Variants in NTNG1 observed in about 807,000 individuals in gnomAD.
NTNG1 encodes the protein netrin G1.
In NTNG1, 16 loss-of-function variants were observed where a neutral mutation model predicts 54.0. The ratio of observed to expected loss-of-function variants is 0.30; its 90% CI spans 0.20 to 0.45. NTNG1 has a LOEUF of 0.45. Among genes scored for constraint, NTNG1 ranks in the 20% least tolerant of loss-of-function variants. The pLI is 1.00. For missense variants in NTNG1, 530 were observed against 678.7 expected (o/e 0.78, Z 2.43); for synonymous variants, 255 against 263.1 (o/e 0.97, Z 0.30).
intron 5 of NTNG1, chr1:107,421,037 T>C: frequency 7.4e-7 from 1 of 1,346,482 alleles, no homozygotes; most frequent in Non-Finnish European, 1.1e-6. Context: ...GTTTGAACGT[T>C]TCACTATTGT....
At chr1:107,309,077 C>G (rs1012043204) in intron 2 of NTNG1, among the ~76,000 whole-genome samples, 30 of 152,166 alleles carry the variant, frequency 2.0e-4, no homozygotes, top group Non-Finnish European at 1.3e-4. Context: ...CTTCATCAGT[C>G]CCTTGTTCTC....
At chr1:107,338,872 TAA>T (rs66513954) in intron 3 of NTNG1, among the ~76,000 whole-genome samples, 15 of 148,284 alleles carry the variant, frequency 1.0e-4, no homozygotes, top group South Asian at 4.2e-4. Flanking sequence ...TAAGAAGCTT[TAA>T]AAAAAAAAAG....
intron 3 of NTNG1, among the ~76,000 whole-genome samples, chr1:107,385,305 G>A (rs1409769223): frequency 1.3e-5 from 2 of 151,998 alleles, no homozygotes; most frequent in East Asian, 1.9e-4. Flanking sequence ...TCACCGCCAC[G>A]CCACTACTCT....
At chr1:107,451,502 A>C (rs922791923) in intron 7 of NTNG1, among the ~76,000 whole-genome samples, 6 of 152,184 alleles carry the variant, frequency 3.9e-5, no homozygotes, top group Non-Finnish European at 5.9e-5. Context: ...TGTCATCGGC[A>C]GCACACTGCA....
intron 2 of NTNG1, among the ~76,000 whole-genome samples, chr1:107,206,674 A>T (rs1401834683): frequency 6.6e-6 from 1 of 152,192 alleles, no homozygotes; most frequent in Non-Finnish European, 1.5e-5. Flanking sequence ...ATTCCTGAAA[A>T]ATCAAATATG....
intron 3 of NTNG1, among the ~76,000 whole-genome samples, chr1:107,361,393 T>TATATATATA (rs10637251): frequency 0.011 from 295 of 26,740 alleles, 1 homozygote; most frequent in Non-Finnish European, 0.026. Context: ...ATATATATAT[T>TATATATATA]TTTTTTTTTT....
At position 107,321,578 on chromosome 1, in the gene NTNG1, A is replaced by G. The variant is rs372438659; in HGVS notation, c.247-2704A>G. 9.2e-5 allele frequency among the ~76,000 whole-genome samples: 14 copies of G among 152,246 alleles called. 1 individual carries two copies. Among genetic ancestry groups the G allele is most frequent in the East Asian group, 7.7e-4 (4 of 5,170 alleles). On this transcript the variant is annotated intron_variant, in intron 2 of 7. Coordinates refer to ENST00000370068, the MANE Select transcript of NTNG1 (RefSeq NM_001113226.3). ...CAGAGAATCTTTAAGGATGCCCTCC[A>G]GGATACGACTTCTGTAGAATATGAA... is the stretch of plus-strand genomic sequence containing the variant.
At chr1:107,438,747 A>T (rs1675766327) in intron 7 of NTNG1, among the ~76,000 whole-genome samples, 1 of 152,308 alleles carries the variant, frequency 6.6e-6, no homozygotes, top group African/African-American at 2.4e-5. Flanking sequence ...AATGCATCTC[A>T]AAAAGGACCT....
chr1:107,189,562 A>G (rs1294828519), intron 2 of NTNG1, among the ~76,000 whole-genome samples: 1 of 151,982 alleles, frequency 6.6e-6, no homozygotes, highest in African/African-American at 2.4e-5. Context: ...CATTGACTCA[A>G]TTTCTTTCTC....
chr1:107,196,380 T>C (rs1658330094), intron 2 of NTNG1, among the ~76,000 whole-genome samples: 1 of 152,006 alleles, frequency 6.6e-6, no homozygotes, highest in South Asian at 2.1e-4. Context: ...GAATAAATAA[T>C]ATAATGTATA....
intron 7 of NTNG1, among the ~76,000 whole-genome samples, chr1:107,478,518 C>A (rs1678476645): frequency 6.6e-6 from 1 of 152,084 alleles, no homozygotes; most frequent in Non-Finnish European, 1.5e-5. Context: ...ATATTCACAT[C>A]CAAGAAGAAG....
intron 2 of NTNG1, among the ~76,000 whole-genome samples, chr1:107,201,088 G>A (rs377358290): frequency 6.6e-6 from 1 of 151,578 alleles, no homozygotes; most frequent in South Asian, 2.1e-4. Context: ...TATTCTTCAA[G>A]CCATATCTAT....
chr1:107,337,997 G>A (rs140149462), intron 3 of NTNG1, among the ~76,000 whole-genome samples: 28 of 152,106 alleles, frequency 1.8e-4, no homozygotes, highest in African/African-American at 6.3e-4. Flanking sequence ...AGTAGTGGAG[G>A]ATATTTAATA....
intron 7 of NTNG1, among the ~76,000 whole-genome samples, chr1:107,479,493 G>A (rs1489189565): frequency 1.3e-5 from 2 of 152,146 alleles, no homozygotes; most frequent in East Asian, 1.9e-4. Flanking sequence ...TTTAAAAATG[G>A]AAAATGTTAC....
At chr1:107,394,354 A>G (rs1340818853) in intron 3 of NTNG1, among the ~76,000 whole-genome samples, 1 of 152,190 alleles carries the variant, frequency 6.6e-6, no homozygotes. Flanking sequence ...GTTGCCTCTC[A>G]TATATCATGG....
intron 1 of NTNG1, among the ~76,000 whole-genome samples, chr1:107,144,450 C>A (rs1342050841): frequency 6.6e-6 from 1 of 152,056 alleles, no homozygotes; most frequent in Non-Finnish European, 1.5e-5. Flanking sequence ...AAAATGAATG[C>A]TGAAAACCAG....
At chr1:107,261,290 G>C (rs1428239043) in intron 2 of NTNG1, among the ~76,000 whole-genome samples, 2 of 152,088 alleles carry the variant, frequency 1.3e-5, no homozygotes, top group Non-Finnish European at 2.9e-5. Flanking sequence ...ACATAAAAAT[G>C]ATTATTTAGT....
intron 2 of NTNG1, among the ~76,000 whole-genome samples, chr1:107,161,490 A>G (rs1055498610): frequency 6.6e-6 from 1 of 151,894 alleles, no homozygotes; most frequent in African/African-American, 2.4e-5. Flanking sequence ...GCAAAACCCC[A>G]TCTCTACTAA....
intron 3 of NTNG1, among the ~76,000 whole-genome samples, chr1:107,365,392 C>T (rs1194898733): frequency 3.3e-5 from 5 of 152,086 alleles, no homozygotes; most frequent in South Asian, 2.1e-4. Context: ...ACTGATGGTA[C>T]GCATTAATCT....
Sources: allele counts gnomAD v4.1 joint callset (sites outside exome capture counted in the v4.1 genomes callset), GRCh38; gene constraint gnomAD v4.1.1; transcripts MANE v1.5; gene names NCBI Gene and HGNC (gene_info 2026-07-23, HGNC 2026-07-21).